The following CLGN variants were observed in gnomAD, a reference collection of about 807,000 sequenced individuals.
The protein encoded by CLGN is calmegin.
Under a neutral mutation model 79.1 loss-of-function variants are expected in CLGN, and 62 were observed. That is an observed-to-expected ratio of 0.78 (90% CI 0.64 to 0.97). The LOEUF (loss-of-function observed/expected upper bound fraction) is 0.97, where lower values mean the gene tolerates loss of function less well. Ranked by LOEUF, CLGN falls within the 50% of genes least tolerant of loss-of-function variation. The pLI is 0.00. For missense variants in CLGN, 647 were observed against 715.5 expected (o/e 0.90, Z 1.09); for synonymous variants, 225 against 224.7 (o/e 1.00, Z -0.01).
chr4:140,396,874 C>CACAT (rs1553944614), intron 8 of CLGN, among the ~76,000 whole-genome samples: 56 of 109,526 alleles, frequency 5.1e-4, no homozygotes, highest in African/African-American at 1.6e-3. Flanking sequence ...TATATATATA[C>CACAT]ATATATATAT....
At chr4:140,416,387 C>A (rs1366425532) in intron 1 of CLGN, among the ~76,000 whole-genome samples, 7 of 139,212 alleles carry the variant, frequency 5.0e-5, no homozygotes, top group African/African-American at 1.6e-4. Flanking sequence ...CACAAAAAAC[C>A]CTTCAAAAAA....
chr4:140,413,018 A>G lies in CLGN; in HGVS notation c.61T>C (p.Phe21Leu). 1 of 1,613,402 alleles carries G rather than the reference A, an allele frequency of 6.2e-7. No individual in the cohort carries two copies. Among genetic ancestry groups the G allele is most frequent in the Non-Finnish European group, 8.5e-7 (1 of 1,179,506 alleles). ...TCCGTCTCAACATCATCATCCATAA[A>G]TTCTGCATTAATTGAGATGAACAGA... ...GLLFISINAE[F>L]MDDDVETEDF... The change falls in exon 2 of 15, where the codon TTT becomes CTT. Residue 21 changes from phenylalanine (F) to leucine (L), a missense_variant. Phe to Leu is a conservative substitution (Grantham distance 22). Transcript: ENST00000325617.
intron 7 of CLGN, among the ~76,000 whole-genome samples, chr4:140,399,886 A>G (rs1431031652): frequency 6.6e-6 from 1 of 152,230 alleles, no homozygotes; most frequent in Non-Finnish European, 1.5e-5. Context: ...AAGGTAGGAC[A>G]TAACAATAAT....
rs113731947 is a variant in CLGN at position 140,413,794 on chromosome 4, T to C, written c.-9-707A>G. Among the ~76,000 whole-genome samples, 714 of 152,324 alleles carry C rather than the reference T, an allele frequency of 4.7e-3. 5 individuals are homozygous for C. The highest frequency in any genetic ancestry group is 5.1e-3 in the Non-Finnish European group (349 of 68,022). ...GAGGCTGGGGGAGGGGCGCCCGCCA[T>C]TGCCCAGGCTTGATTAGGTAAACAA... On this transcript the variant is annotated intron_variant, in intron 1 of 14. Transcript: ENST00000325617.
chr4:140,396,881 A>ATC (rs1728892099), intron 8 of CLGN, among the ~76,000 whole-genome samples: 1 of 68,048 alleles, frequency 1.5e-5, no homozygotes, highest in Admixed American at 2.3e-4. Context: ...ATACATATAT[A>ATC]TATATATATG....
At chr4:140,418,259 A>T (rs1729386588) in intron 1 of CLGN, among the ~76,000 whole-genome samples, 1 of 151,212 alleles carries the variant, frequency 6.6e-6, no homozygotes, top group South Asian at 2.1e-4. Flanking sequence ...CTAGAAGAAA[A>T]CCTAGGCATT....
chr4:140,413,079 AT>A lies in CLGN; in HGVS notation c.-2del, dbSNP rs754532043. On this transcript the variant is annotated 5_prime_UTR_variant, in exon 2 of 15. Transcript: ENST00000325617. The stretch of plus-strand genomic sequence containing the variant: ...ATAGCCAAAAGGCTTGGAAATGCAT[AT>A]TGATTATCTGTGAAATTAAAAGTAA... 5 of 1,607,008 alleles carry A rather than the reference AT, an allele frequency of 3.1e-6. No individual in the cohort carries two copies. In the South Asian group the frequency reaches 5.6e-5, roughly 18 times the overall value.
chr4:140,389,500 T>C lies in CLGN; in HGVS notation c.1753-196A>G, dbSNP rs115226029. ...CGATGTATTCCAGCTCACTGACACATACACATAAGAAGACGGAAAGACTGA... is the reference window on the plus strand; with the variant it reads ...CGATGTATTCCAGCTCACTGACACACACACATAAGAAGACGGAAAGACTGA... On this transcript the variant is annotated intron_variant, in intron 14 of 14. Coordinates refer to ENST00000325617, the MANE Select transcript of CLGN (RefSeq NM_004362.3). Among the ~76,000 whole-genome samples the C allele has an allele frequency of 7.3e-3, 1,114 of 151,914 alleles. 11 individuals carry two copies. The highest frequency in any genetic ancestry group is 0.025 in the African/African-American group (1,052 of 41,512).
intron 13 of CLGN, among the ~76,000 whole-genome samples, chr4:140,391,957 T>C (rs771564392): frequency 6.6e-6 from 1 of 151,858 alleles, no homozygotes; most frequent in Non-Finnish European, 1.5e-5. Flanking sequence ...CAAAAAGCTA[T>C]GGCCTATGGG....
chr4:140,397,114 A>G lies in CLGN; in HGVS notation c.885-909T>C, dbSNP rs186623600. 3.8e-3 allele frequency among the ~76,000 whole-genome samples: 570 copies of G among 151,686 alleles called. 4 individuals are homozygous for G. Among genetic ancestry groups the G allele is most frequent in the South Asian group, 0.012 (59 of 4,812 alleles). On this transcript the variant is annotated intron_variant, in intron 8 of 14. Transcript: ENST00000325617. ...TATGCCATTTCTCATCTGTGAAAAT[A>G]TAATTGTTAAGAGTATGGACATTTT...
chr4:140,389,413 T>A, intron 14 of CLGN, 109 bp from the exon 15 acceptor site: 1 of 797,066 alleles, frequency 1.3e-6, no homozygotes, highest in Non-Finnish European at 2.0e-6. Flanking sequence ...ATCAATCAAG[T>A]GCTATTATGA....
chr4:140,389,458 C>T (rs1304921244), intron 14 of CLGN, among the ~76,000 whole-genome samples, 154 bp from the exon 15 acceptor site: 1 of 151,680 alleles, frequency 6.6e-6, no homozygotes, highest in African/African-American at 2.4e-5. Flanking sequence ...AGTTATTTCT[C>T]AAGGCTATAC....
chr4:140,391,505 G>GTA (rs144886089), intron 13 of CLGN, among the ~76,000 whole-genome samples: 3,784 of 150,626 alleles, frequency 0.025, 71 homozygotes, highest in Admixed American at 0.059. Flanking sequence ...GTATATGTGT[G>GTA]TATATATATA....
At chr4:140,418,796 G>A (rs1417223113) in intron 1 of CLGN, among the ~76,000 whole-genome samples, 2 of 150,904 alleles carry the variant, frequency 1.3e-5, no homozygotes, top group African/African-American at 2.4e-5. Context: ...TCAGTGTGGC[G>A]ATTCCTCAGG....
intron 14 of CLGN, among the ~76,000 whole-genome samples, chr4:140,389,505 A>G (rs190581817): frequency 6.6e-6 from 1 of 151,886 alleles, no homozygotes; most frequent in African/African-American, 2.4e-5. Context: ...ACACATACAC[A>G]TAAGAAGACG....
At chr4:140,411,820 G>A (rs748044507) in intron 2 of CLGN, among the ~76,000 whole-genome samples, 1 of 152,072 alleles carries the variant, frequency 6.6e-6, no homozygotes, top group East Asian at 1.9e-4. Flanking sequence ...GGGCAGTGGT[G>A]TCACAAGAGG....
intron 14 of CLGN, among the ~76,000 whole-genome samples, chr4:140,390,035 C>T (rs1304756844): frequency 1.3e-5 from 2 of 151,576 alleles, no homozygotes; most frequent in African/African-American, 2.4e-5. Context: ...AAAAAGACAG[C>T]TCTGGCTCTA....
intron 13 of CLGN, among the ~76,000 whole-genome samples, chr4:140,391,539 T>C (rs1728773599): frequency 6.6e-6 from 1 of 151,876 alleles, no homozygotes; most frequent in Admixed American, 6.6e-5. Context: ...AAAAAATAGA[T>C]AGACACATAT....
At position 140,395,868 on chromosome 4, in the gene CLGN, T is replaced by A; in HGVS notation, c.1100A>T (p.Lys367Ile). The A allele has an allele frequency of 1.9e-6, 3 of 1,590,892 alleles. No individual in the cohort carries two copies. Among genetic ancestry groups the A allele is most frequent in the Non-Finnish European group, 2.6e-6 (3 of 1,172,348 alleles). The change falls in exon 10 of 15, where the codon AAA (lysine) becomes ATA (isoleucine). Residue 367 changes from lysine (K) to isoleucine (I), a missense_variant. By Grantham distance (102) the Lys-to-Ile change is moderately radical (BLOSUM62 -3). Coordinates refer to ENST00000325617, the MANE Select transcript of CLGN (RefSeq NM_004362.3). ...TGGAGGTCTCCATACTCCTTTGTAT[T>A]TTGGGTTATCTATCATGGGAGGTTT... ...EWKPPMIDNP[K>I]YKGVWRPPLV...
Sources: allele counts gnomAD v4.1 joint callset (sites outside exome capture counted in the v4.1 genomes callset), GRCh38; gene constraint gnomAD v4.1.1; transcripts MANE v1.5; gene names NCBI Gene and HGNC (gene_info 2026-07-23, HGNC 2026-07-21).